Variants in TINAGL1 observed in about 807,000 individuals in gnomAD.
TINAGL1 encodes the protein tubulointerstitial nephritis antigen-like.
Under a neutral mutation model 62.0 loss-of-function variants are expected in TINAGL1, and 34 were observed. That is an observed-to-expected ratio of 0.55 (90% CI 0.42 to 0.73). TINAGL1 has a LOEUF of 0.73. TINAGL1 is among the 30% of genes least tolerant of loss of function. TINAGL1 has a pLI of 0.00. For synonymous variants in TINAGL1, 221 were observed against 249.7 expected (o/e 0.88, Z 1.08); for missense variants, 516 against 653.2 (o/e 0.79, Z 2.29).
rs2148594577 is a variant in TINAGL1 at position 31,584,823 on chromosome 1, G to C, written c.706+22G>C. ...GCAGGTAAGCCAAGGGCAAGGGCTGGCGCCTGGGAGAGGAGGGCCAAGTCC... is the reference window on the plus strand; with the variant it reads ...GCAGGTAAGCCAAGGGCAAGGGCTGCCGCCTGGGAGAGGAGGGCCAAGTCC... On this transcript the variant is annotated intron_variant, in intron 6 of 11. Coordinates refer to ENST00000271064, the MANE Select transcript of TINAGL1 (RefSeq NM_022164.3). This position sits in a 1 kb window ranked among gnomAD's most constrained non-coding sequence, Gnocchi z 4.0. 6.2e-7 allele frequency: 1 copy of C among 1,614,206 alleles called. No individual in the cohort carries two copies. Among genetic ancestry groups the C allele is most frequent in the Middle Eastern group, 1.6e-4 (1 of 6,062 alleles).
In TINAGL1 at chr1:31,577,612, G is replaced by A; in HGVS notation, c.310+154G>A. ...GCCCCTCTGGGAACTTTACTCTCCA[G>A]CAAGACTGAAGAAGCTCCTTGGTTA... On this transcript the variant is annotated intron_variant, in intron 2 of 11. Coordinates refer to ENST00000271064, the MANE Select transcript of TINAGL1 (RefSeq NM_022164.3). The surrounding 1 kb of genome is among the most constrained non-coding windows in gnomAD (Gnocchi z 5.4). The A allele has an allele frequency of 1.2e-6, 1 of 839,098 alleles. No individual in the cohort carries two copies. The highest frequency in any genetic ancestry group is 1.8e-6 in the Non-Finnish European group (1 of 557,862). 52.0% of individuals were successfully genotyped at this position (839,098 alleles called of 1,614,324 possible).
intron 3 of TINAGL1, chr1:31,579,692 G>A (rs1447480581): frequency 5.9e-6 from 1 of 168,532 alleles, no homozygotes; most frequent in African/African-American, 2.4e-5. Flanking sequence ...CTCTAGCAGG[G>A]CCTTCCCTGA....
intron 10 of TINAGL1, chr1:31,586,125 G>C: frequency 2.5e-6 from 1 of 407,338 alleles, no homozygotes; most frequent in Non-Finnish European, 4.3e-6. Context: ...AATATGAAGA[G>C]AGCCTCAAGA....
Position 31,577,483 on chromosome 1 carries a change from G to T in TINAGL1, c.310+25G>T, listed in dbSNP as rs764043002. On this transcript the variant is annotated intron_variant, in intron 2 of 11. Transcript: ENST00000271064. This position sits in a 1 kb window ranked among gnomAD's most constrained non-coding sequence, Gnocchi z 5.4. ...GGTGGGCACTAAGATGGCCAGGAGG[G>T]TGGGTCACTTTGTCCACCTCAGACT... is the stretch of plus-strand genomic sequence containing the variant. 4.4e-5 allele frequency: 69 copies of T among 1,584,782 alleles called. No individual in the cohort carries two copies. In the South Asian group the frequency reaches 4.6e-4, roughly 10 times the overall value.
rs781515493 is a variant in TINAGL1, at chr1:31,585,234, G to A, written c.941G>A (p.Arg314Gln). The change falls in exon 8 of 12, where the codon CGA becomes CAA. Residue 314 changes from arginine (R) to glutamine (Q), a missense_variant. Coordinates refer to ENST00000271064, the MANE Select transcript of TINAGL1 (RefSeq NM_022164.3). This position sits in a 1 kb window ranked among gnomAD's most constrained non-coding sequence, Gnocchi z 4.3. The stretch of plus-strand genomic sequence containing the variant: ...GCGCCCCCCTGTATGATGCACAGCC[G>A]AGCCATGGGTCGGGGCAAGCGCCAG... Reference protein sequence around the residue: ...GPAPPCMMHSRAMGRGKRQAT... With the variant: ...GPAPPCMMHSQAMGRGKRQAT... The A allele has an allele frequency of 1.9e-5, 30 of 1,613,372 alleles. No individual in the cohort carries two copies. The highest frequency in any genetic ancestry group is 6.7e-5 in the East Asian group (3 of 44,880).
rs113639076 is a variant in TINAGL1, at chr1:31,586,928, C to T, written c.1353C>T (p.Phe451=). The T allele has an allele frequency of 5.2e-6, 8 of 1,536,934 alleles. No homozygotes were observed. Among genetic ancestry groups the T allele is most frequent in the Non-Finnish European group, 7.0e-6 (8 of 1,145,030 alleles). ...RGVNECDIES[F]VLGVWGRVGM... is the part of the protein sequence containing the mutation. ...TCAATGAGTGCGACATCGAGAGCTT[C>T]GTGCTGGGCGTCTGGGGCCGCGTGG... Residue 451 remains phenylalanine (F), a synonymous_variant, in exon 12 of 12, where the codon TTC becomes TTT. Coordinates refer to ENST00000271064, the MANE Select transcript of TINAGL1 (RefSeq NM_022164.3).
At chr1:31,579,874 C>T (rs1639166956) in intron 3 of TINAGL1, 1 of 169,054 alleles carries the variant, frequency 5.9e-6, no homozygotes, top group Non-Finnish European at 1.3e-5. Flanking sequence ...GAGGAGGCGG[C>T]CCTGCACCCA....
chr1:31,577,318 G>C lies in TINAGL1; in HGVS notation c.170G>C (p.Gly57Ala). 6.2e-7 allele frequency: 1 copy of C among 1,613,758 alleles called. No homozygotes were observed. The highest frequency in any genetic ancestry group is 8.5e-7 in the Non-Finnish European group (1 of 1,180,004). The part of the protein sequence containing the change: ...YCQEQDLCCR[G>A]RADDCALPYL... ...CAGGAGCAGGACCTGTGCTGCCGCG[G>C]CCGTGCCGACGACTGTGCCCTGCCC... The change falls in exon 2 of 12, where the codon GGC becomes GCC. Residue 57 changes from glycine to alanine, a missense_variant. Transcript: ENST00000271064. The surrounding 1 kb of genome is among the most constrained non-coding windows in gnomAD (Gnocchi z 5.4).
chr1:31,585,787 C>T lies in TINAGL1; in HGVS notation c.1128C>T (p.Tyr376=), dbSNP rs1182347060. Residue 376 remains tyrosine, a synonymous_variant, in exon 10 of 12, where the codon TAC becomes TAT. Coordinates refer to ENST00000271064, the MANE Select transcript of TINAGL1 (RefSeq NM_022164.3). The surrounding 1 kb of genome is among the most constrained non-coding windows in gnomAD (Gnocchi z 4.3). ...AGGTGCATGAGGACTTCTTCCTATACAAGGGAGGCATCTACAGCCACACGC... is the reference window on the plus strand; with the variant it reads ...AGGTGCATGAGGACTTCTTCCTATATAAGGGAGGCATCTACAGCCACACGC... ...LMEVHEDFFL[Y]KGGIYSHTPV... is the part of the protein sequence containing the mutation. 2 of 1,613,662 alleles carry T rather than the reference C, an allele frequency of 1.2e-6. No individual in the cohort carries two copies. Among genetic ancestry groups the T allele is most frequent in the Non-Finnish European group, 1.7e-6 (2 of 1,179,852 alleles).
chr1:31,578,552 G>GGTGT (rs375119727), intron 2 of TINAGL1, among the ~76,000 whole-genome samples: 126 of 132,580 alleles, frequency 9.5e-4, no homozygotes, highest in African/African-American at 3.4e-3. Context: ...AGTGAGAGCT[G>GGTGT]GTGTGTGTGT....
chr1:31,586,328 T>C (rs893881195), intron 10 of TINAGL1: 1 of 409,360 alleles, frequency 2.4e-6, no homozygotes, highest in Non-Finnish European at 4.4e-6. Context: ...ATACCCATAT[T>C]CTCAGAGTGT....
rs1483722435 is a variant in TINAGL1 at position 31,586,763 on chromosome 1, C to T, written c.1263+8C>T. The stretch of plus-strand genomic sequence containing the variant: ...AGGACGCTCAAATACTGGGTGAGGC[C>T]GCTGACCCTTTCCCCGCCCCCTCTT... On this transcript the variant is annotated splice_region_variant and intron_variant, in intron 11 of 11. Transcript: ENST00000271064. 12 of 1,552,402 alleles carry T rather than the reference C, an allele frequency of 7.7e-6. No individual in the cohort carries two copies. The highest frequency in any genetic ancestry group is 1.7e-4 in the Middle Eastern group (1 of 6,010).
In TINAGL1 at chr1:31,584,554, A is replaced by T; in HGVS notation, c.583-124A>T. 6.9e-7 allele frequency: 1 copy of T among 1,447,988 alleles called. No individual in the cohort carries two copies. The highest frequency in any genetic ancestry group is 9.5e-7 in the Non-Finnish European group (1 of 1,055,370). 89.7% of individuals were successfully genotyped at this position (1,447,988 alleles called of 1,614,324 possible). ...TTGGAGGCAGCTGGAATCCTGCAGCAGCAGGAGGGCTCAAGATTAAACTGC... is the reference window on the plus strand; with the variant it reads ...TTGGAGGCAGCTGGAATCCTGCAGCTGCAGGAGGGCTCAAGATTAAACTGC... On this transcript the variant is annotated intron_variant, in intron 5 of 11. Coordinates refer to ENST00000271064, the MANE Select transcript of TINAGL1 (RefSeq NM_022164.3). This position sits in a 1 kb window ranked among gnomAD's most constrained non-coding sequence, Gnocchi z 4.0.
rs1471096185 is a variant in TINAGL1, at chr1:31,577,097, C to G, written c.-15-37C>G. 1 of 1,424,604 alleles carries G rather than the reference C, an allele frequency of 7.0e-7. No homozygotes were observed. The highest frequency in any genetic ancestry group is 9.2e-7 in the Non-Finnish European group (1 of 1,087,248). 88.2% of individuals were successfully genotyped at this position (1,424,604 alleles called of 1,614,324 possible). A position where few individuals can be genotyped will look rare whatever the true frequency, so the allele number is the denominator to read the frequency against. On this transcript the variant is annotated intron_variant, in intron 1 of 11. Transcript: ENST00000271064. This position sits in a 1 kb window ranked among gnomAD's most constrained non-coding sequence, Gnocchi z 5.4. ...ACTGGGAGACTCATCCCTGGTGTTC[C>G]AGGGAGTCTCTGCTGCCCACCATCT...
chr1:31,587,079 C>G lies in TINAGL1; in HGVS notation c.*100C>G. ...GACCCCAGCCTCGCCCGACAGAGCC[C>G]GGGGCGCAGGCGGGCGCCAGGGCGC... On this transcript the variant is annotated 3_prime_UTR_variant, in exon 12 of 12. Coordinates refer to ENST00000271064, the MANE Select transcript of TINAGL1 (RefSeq NM_022164.3). 1 of 1,333,674 alleles carries G rather than the reference C, an allele frequency of 7.5e-7. No individual in the cohort carries two copies. The allele number at this position is 1,333,674 out of a possible 1,614,324, so 82.6% of individuals were successfully genotyped here.
intron 3 of TINAGL1, among the ~76,000 whole-genome samples, chr1:31,581,919 G>A (rs1045810141): frequency 6.6e-6 from 1 of 152,202 alleles, no homozygotes; most frequent in African/African-American, 2.4e-5. Flanking sequence ...CATTGACTCA[G>A]TTAACAAATA....
In TINAGL1 at chr1:31,579,360, G is replaced by A. The variant is rs1464077109; in HGVS notation, c.374+93G>A. The A allele has an allele frequency of 2.2e-5, 26 of 1,155,886 alleles. No homozygotes were observed. In the Admixed American group the frequency reaches 4.3e-4, roughly 19 times the overall value. The allele number at this position is 1,155,886 out of a possible 1,614,324, so 71.6% of individuals were successfully genotyped here. ...TATCCCTGACCCCTTTTGCAAGGGAGAAGTCTTTTCCCTTCTTTGAACCTC... is the reference window on the plus strand; with the variant it reads ...TATCCCTGACCCCTTTTGCAAGGGAAAAGTCTTTTCCCTTCTTTGAACCTC... On this transcript the variant is annotated intron_variant, in intron 3 of 11. Transcript: ENST00000271064.
At chr1:31,586,633 G>A in intron 10 of TINAGL1, 77 bp from the exon 11 acceptor site, 1 of 1,532,776 alleles carries the variant, frequency 6.5e-7, no homozygotes, top group East Asian at 2.4e-5. Context: ...GGGGCTGGAT[G>A]GGGCAGGTTT....
In TINAGL1 at chr1:31,577,495, G is replaced by T. The variant is rs1437999826; in HGVS notation, c.310+37G>T. 1 of 1,573,450 alleles carries T rather than the reference G, an allele frequency of 6.4e-7. No homozygotes were observed. Among genetic ancestry groups the T allele is most frequent in the Admixed American group, 1.8e-5 (1 of 57,098 alleles). ...GATGGCCAGGAGGGTGGGTCACTTT[G>T]TCCACCTCAGACTCAGCAAGGCTCA... On this transcript the variant is annotated intron_variant, in intron 2 of 11. Coordinates refer to ENST00000271064, the MANE Select transcript of TINAGL1 (RefSeq NM_022164.3). The surrounding 1 kb of genome is among the most constrained non-coding windows in gnomAD (Gnocchi z 5.4).
Sources: allele counts gnomAD v4.1 joint callset (sites outside exome capture counted in the v4.1 genomes callset), GRCh38; gene constraint gnomAD v4.1.1; non-coding constraint Gnocchi (gnomAD v3.1); transcripts MANE v1.5; gene names NCBI Gene and HGNC (gene_info 2026-07-23, HGNC 2026-07-21).